The following FRY variants were observed in gnomAD, a reference collection of about 807,000 sequenced individuals.
The protein encoded by FRY is FRY microtubule binding protein.
FRY carries 128 observed loss-of-function variants against 348.4 expected under a neutral mutation model. The ratio of observed to expected loss-of-function variants is 0.37; its 90% CI spans 0.32 to 0.43. FRY has a LOEUF of 0.43. Among genes scored for constraint, FRY ranks in the 20% least tolerant of loss-of-function variants. FRY has a pLI of 1.00. For synonymous variants in FRY, 1,370 were observed against 1,374.7 expected, an observed-to-expected ratio of 1.00 and a Z score of 0.08; for missense variants, 2,736 against 3,695.2, an observed-to-expected ratio of 0.74 and a Z score of 6.73.
intron 3 of FRY, among the ~76,000 whole-genome samples, chr13:32,108,058 A>G (rs1043253883): frequency 2.0e-5 from 3 of 152,222 alleles, no homozygotes; most frequent in Non-Finnish European, 2.9e-5. Flanking sequence ...AAAGTTTTAT[A>G]TGAGACAAAG....
At position 32,079,147 on chromosome 13, in the gene FRY, C is replaced by A. The variant is rs1875308491; in HGVS notation, c.270+114C>A. The A allele has an allele frequency of 4.9e-6, 4 of 809,328 alleles. No homozygotes were observed. In the East Asian group the frequency reaches 9.7e-5, roughly 20 times the overall value. The allele number at this position is 809,328 out of a possible 1,614,324, so 50.1% of individuals were successfully genotyped here. ...GCTTTTCCTCTGGTTTGTAAAGGTT[C>A]TTTAATATCATAGGTAATGTTTTAA... On this transcript the variant is annotated intron_variant, in intron 2 of 60. Coordinates refer to ENST00000542859, the MANE Select transcript of FRY (RefSeq NM_023037.3).
chr13:32,034,462 G>T (rs1872403633), intron 1 of FRY, among the ~76,000 whole-genome samples: 1 of 152,126 alleles, frequency 6.6e-6, no homozygotes, highest in Non-Finnish European at 1.5e-5. Flanking sequence ...GATTTGAATG[G>T]AGGTGGGAAT....
At chr13:32,064,848 T>C (rs2138459793) in intron 1 of FRY, among the ~76,000 whole-genome samples, 1 of 152,366 alleles carries the variant, frequency 6.6e-6, no homozygotes, top group African/African-American at 2.4e-5. Flanking sequence ...ATTTGATTAA[T>C]TGATCACACT....
At chr13:32,175,018 T>G (rs376742456) in intron 19 of FRY, among the ~76,000 whole-genome samples, 5 of 152,178 alleles carry the variant, frequency 3.3e-5, no homozygotes, top group Non-Finnish European at 5.9e-5. Flanking sequence ...CTCGTGCCCT[T>G]TCCAATTTGC....
chr13:32,068,417 T>C (rs1874392937), intron 1 of FRY, among the ~76,000 whole-genome samples: 1 of 152,200 alleles, frequency 6.6e-6, no homozygotes, highest in South Asian at 2.1e-4. Flanking sequence ...GAAAGGACCT[T>C]GAAATGTCAA....
chr13:32,294,466 G>A lies in FRY; in HGVS notation c.8679G>A (p.Trp2893Ter). Residue 2893 changes from tryptophan to a stop codon, truncating the protein, a stop_gained, in exon 60 of 61, where the codon TGG becomes TGA. Coordinates refer to ENST00000542859, the MANE Select transcript of FRY (RefSeq NM_023037.3). LOFTEE classifies it high-confidence loss of function. ...AADPLYSDGA[W>*]SEPTFTSTEA... ...ACCCTCTCTATTCAGACGGCGCGTG[G>A]TCCGAGCCCACCTTCACGTCCACTG... 1 of 1,614,034 alleles carries A rather than the reference G, an allele frequency of 6.2e-7. No individual in the cohort carries two copies. The highest frequency in any genetic ancestry group is 1.1e-5 in the South Asian group (1 of 91,082).
intron 58 of FRY, among the ~76,000 whole-genome samples, chr13:32,282,578 G>T (rs1023713781): frequency 6.6e-6 from 1 of 152,150 alleles, no homozygotes; most frequent in African/African-American, 2.4e-5. Context: ...AGTCTGGTCC[G>T]GTCTTTGCCA....
chr13:32,035,525 G>A (rs973148549), intron 1 of FRY, among the ~76,000 whole-genome samples: 3 of 152,174 alleles, frequency 2.0e-5, no homozygotes, highest in African/African-American at 7.2e-5. Context: ...AGAAGGGCTT[G>A]CTGTATACCA....
At chr13:32,206,425 T>A (rs2138342579) in intron 31 of FRY, among the ~76,000 whole-genome samples, 1 of 152,312 alleles carries the variant, frequency 6.6e-6, no homozygotes, top group East Asian at 1.9e-4. Context: ...GTTTCGAGAT[T>A]CATTGGTAAC....
chr13:32,128,271 T>C (rs1022350672), intron 7 of FRY, among the ~76,000 whole-genome samples: 4 of 152,164 alleles, frequency 2.6e-5, no homozygotes, highest in African/African-American at 9.7e-5. Flanking sequence ...AGCCCCTTCA[T>C]TCTCTGATGC....
intron 40 of FRY, among the ~76,000 whole-genome samples, chr13:32,229,906 T>C (rs1310136443): frequency 6.6e-6 from 1 of 152,220 alleles, no homozygotes; most frequent in Non-Finnish European, 1.5e-5. Flanking sequence ...CCAAGCACTG[T>C]TCTGGTGAAT....
At chr13:32,058,576 C>T (rs1873765861) in intron 1 of FRY, among the ~76,000 whole-genome samples, 1 of 152,224 alleles carries the variant, frequency 6.6e-6, no homozygotes, top group South Asian at 2.1e-4. Flanking sequence ...GTCACTTACA[C>T]TGTCAGTATG....
chr13:32,043,439 A>G (rs956918330), intron 1 of FRY, among the ~76,000 whole-genome samples: 3 of 152,226 alleles, frequency 2.0e-5, no homozygotes, highest in Non-Finnish European at 4.4e-5. Flanking sequence ...CAAGAGCCGC[A>G]TGAAGTGCTG....
intron 25 of FRY, 42 bp downstream of exon 25, chr13:32,184,733 C>A (rs371409626): frequency 8.5e-7 from 1 of 1,170,808 alleles, no homozygotes; most frequent in Non-Finnish European, 1.3e-6. Flanking sequence ...TCTCACCAGA[C>A]TGATCTTTTT....
At chr13:32,068,207 G>A (rs564702891) in intron 1 of FRY, among the ~76,000 whole-genome samples, 27 of 152,104 alleles carry the variant, frequency 1.8e-4, no homozygotes, top group South Asian at 6.2e-4. Context: ...AATTTGTAGA[G>A]TTCACATTAA....
intron 4 of FRY, 109 bp from the exon 5 acceptor site, chr13:32,124,177 A>T: frequency 2.8e-6 from 2 of 722,682 alleles, no homozygotes; most frequent in Non-Finnish European, 4.9e-6. Flanking sequence ...ATATAATTTT[A>T]AAAATGGGTT....
intron 3 of FRY, among the ~76,000 whole-genome samples, chr13:32,107,705 G>A (rs1877652429): frequency 6.6e-6 from 1 of 152,156 alleles, no homozygotes; most frequent in East Asian, 1.9e-4. Context: ...GATAACCGCA[G>A]ACTAGTAAGT....
intron 35 of FRY, among the ~76,000 whole-genome samples, chr13:32,214,184 C>G (rs1459127460): frequency 6.6e-6 from 1 of 152,196 alleles, no homozygotes; most frequent in African/African-American, 2.4e-5. Context: ...AGGCTGTGCC[C>G]TCAGCCTAAA....
chr13:32,251,982 T>C, intron 50 of FRY, 30 bp downstream of exon 50: 1 of 1,425,240 alleles, frequency 7.0e-7, no homozygotes, highest in Non-Finnish European at 9.9e-7. Context: ...ATAGTTATTT[T>C]GGTGTCATAT....
Sources: gnomAD v4.1 joint callset for allele counts (sites outside exome capture counted in the v4.1 genomes callset) on GRCh38, gnomAD v4.1.1 for gene constraint, MANE v1.5 for transcripts, NCBI Gene and HGNC (gene_info 2026-07-23, HGNC 2026-07-21) for gene names.